Variants in POFUT1 observed in about 807,000 individuals in gnomAD.
POFUT1 encodes the protein protein O-fucosyltransferase 1, also known as GDP-fucose protein O-fucosyltransferase 1.
In POFUT1, 16 loss-of-function variants were observed where a neutral mutation model predicts 42.4. That is an observed-to-expected ratio of 0.38 (90% confidence interval 0.26 to 0.57). The LOEUF (loss-of-function observed/expected upper bound fraction) is 0.57, where lower values mean the gene tolerates loss of function less well. Ranked by LOEUF, POFUT1 falls within the 20% of genes least tolerant of loss-of-function variation. The pLI, the probability that POFUT1 is intolerant of heterozygous loss-of-function variation, is 0.71. For missense variants in POFUT1, 470 were observed against 504.6 expected, an observed-to-expected ratio of 0.93 and a Z score of 0.66; for synonymous variants, 206 against 205.4, an observed-to-expected ratio of 1.00 and a Z score of -0.03.
In POFUT1 at chr20:32,237,877, G is replaced by A. The variant is rs751109062; in HGVS notation, c.*3216G>A. Reference sequence around the variant, plus strand: ...AGACAAAGGCCATTGCATTGAAGGAGGTGGGAAATGATTAGATTCTGAACA... The same window carrying A: ...AGACAAAGGCCATTGCATTGAAGGAAGTGGGAAATGATTAGATTCTGAACA... On this transcript the variant is annotated 3_prime_UTR_variant, in exon 7 of 7. Coordinates refer to ENST00000375749, the MANE Select transcript of POFUT1 (RefSeq NM_015352.2). 17 of 531,318 alleles carry A rather than the reference G, an allele frequency of 3.2e-5. No individual in the cohort carries two copies. Among genetic ancestry groups the A allele is most frequent in the South Asian group, 2.3e-4 (16 of 71,072 alleles). 32.9% of individuals were successfully genotyped at this position (531,318 alleles called of 1,614,324 possible).
rs1480694369 is a variant in POFUT1 at position 32,238,574 on chromosome 20, AC to A, written c.*3914del. ...CCCAGAAGTGAATTTGTTAGATCAA[AC>A]ACTTAAAACTTTTTGTTATGGAAGA... On this transcript the variant is annotated 3_prime_UTR_variant, in exon 7 of 7. Transcript: ENST00000375749. The A allele has an allele frequency of 6.6e-6, 1 of 152,214 alleles. No individual in the cohort carries two copies. The highest frequency in any genetic ancestry group is 1.5e-5 in the Non-Finnish European group (1 of 68,032). 9.4% of individuals were successfully genotyped at this position (152,214 alleles called of 1,614,324 possible).
intron 5 of POFUT1, among the ~76,000 whole-genome samples, chr20:32,229,888 C>G (rs2047433325): frequency 6.6e-6 from 1 of 151,998 alleles, no homozygotes; most frequent in South Asian, 2.1e-4. Flanking sequence ...GGTGGTCCTC[C>G]CACCTCAGCC....
intron 4 of POFUT1, among the ~76,000 whole-genome samples, chr20:32,218,502 C>T (rs1485367986): frequency 2.0e-5 from 3 of 152,214 alleles, no homozygotes; most frequent in African/African-American, 7.2e-5. Flanking sequence ...TGCCAGTTCC[C>T]TTCTGGGACT....
At chr20:32,223,306 C>G in intron 4 of POFUT1, 1 of 985,432 alleles carries the variant, frequency 1.0e-6, no homozygotes, top group South Asian at 4.7e-5. Flanking sequence ...CTCATTCTTT[C>G]CAGACAGCGC....
chr20:32,216,847 T>C, intron 4 of POFUT1, 126 bp downstream of exon 4: 1 of 1,429,192 alleles, frequency 7.0e-7, no homozygotes, highest in Non-Finnish European at 9.6e-7. Context: ...GCAGGTGCTC[T>C]GTCTGTTGAA....
chr20:32,213,214 G>A (rs1018109370), intron 2 of POFUT1, among the ~76,000 whole-genome samples: 4 of 151,988 alleles, frequency 2.6e-5, no homozygotes, highest in East Asian at 1.9e-4. Context: ...AGAAAAATAT[G>A]CCAGGCGCAG....
chr20:32,219,887 A>T (rs1035719484), intron 4 of POFUT1, among the ~76,000 whole-genome samples: 4 of 152,176 alleles, frequency 2.6e-5, no homozygotes, highest in Non-Finnish European at 5.9e-5. Flanking sequence ...CCGTTTTCTT[A>T]TGGAATCCCT....
chr20:32,217,979 C>G (rs1227258399), intron 4 of POFUT1: 1 of 152,962 alleles, frequency 6.5e-6, no homozygotes, highest in African/African-American at 2.4e-5. Flanking sequence ...TATTGACTCA[C>G]TTAATCTTTC....
chr20:32,237,036 A>C lies in POFUT1; in HGVS notation c.*2375A>C, dbSNP rs993692553. The C allele has an allele frequency of 6.6e-6, 1 of 152,188 alleles. No individual in the cohort carries two copies. Among genetic ancestry groups the C allele is most frequent in the Non-Finnish European group, 1.5e-5 (1 of 68,058 alleles). The allele number at this position is 152,188 out of a possible 1,614,324, so 9.4% of individuals were successfully genotyped here. A position where few individuals can be genotyped will look rare whatever the true frequency, so the allele number is the denominator to read the frequency against. On this transcript the variant is annotated 3_prime_UTR_variant, in exon 7 of 7. Transcript: ENST00000375749. The stretch of plus-strand genomic sequence containing the variant: ...ACCCTGTGTGCCATGGAGACCTCCT[A>C]TGGAAAAATGATCAGCCACCTTACC...
intron 4 of POFUT1, among the ~76,000 whole-genome samples, chr20:32,222,080 T>C (rs1158171374): frequency 6.6e-6 from 1 of 152,032 alleles, no homozygotes; most frequent in East Asian, 1.9e-4. Context: ...GGCGGATCAC[T>C]TGAGGTCAGG....
At chr20:32,221,127 G>T (rs148731966) in intron 4 of POFUT1, among the ~76,000 whole-genome samples, 3 of 152,132 alleles carry the variant, frequency 2.0e-5, no homozygotes, top group African/African-American at 7.2e-5. Context: ...CAAAACACGC[G>T]GGTTTATAGG....
intron 5 of POFUT1, among the ~76,000 whole-genome samples, chr20:32,229,703 G>C (rs1453467836): frequency 6.6e-6 from 1 of 152,098 alleles, no homozygotes. Flanking sequence ...AGTAATTTTT[G>C]TTTCAAAATG....
chr20:32,233,942 G>A (rs568145008), intron 6 of POFUT1, among the ~76,000 whole-genome samples: 3 of 152,268 alleles, frequency 2.0e-5, no homozygotes, highest in African/African-American at 7.2e-5. Flanking sequence ...CAGCTATTTG[G>A]GAGGCTGAGG....
intron 1 of POFUT1, among the ~76,000 whole-genome samples, chr20:32,208,872 A>G (rs955972156): frequency 2.0e-5 from 3 of 152,214 alleles, no homozygotes; most frequent in Non-Finnish European, 4.4e-5. Context: ...AACATAAAAC[A>G]ATAAATACAT....
At chr20:32,216,070 A>T (rs1457656523) in intron 3 of POFUT1, among the ~76,000 whole-genome samples, 2 of 152,222 alleles carry the variant, frequency 1.3e-5, no homozygotes. Flanking sequence ...AGAAATTTAT[A>T]CATTTCTGGC....
intron 5 of POFUT1, among the ~76,000 whole-genome samples, chr20:32,228,988 T>C (rs1440219694): frequency 2.0e-5 from 3 of 152,206 alleles, no homozygotes; most frequent in Non-Finnish European, 1.5e-5. Flanking sequence ...ATGTTAGAAA[T>C]GCTCATTGCA....
intron 3 of POFUT1, 53 bp downstream of exon 3, chr20:32,215,504 C>A: frequency 6.9e-7 from 1 of 1,456,732 alleles, no homozygotes; most frequent in Non-Finnish European, 9.4e-7. Context: ...TCCTCTAGGC[C>A]CCCAAGACTA....
chr20:32,228,064 A>C (rs1057356419), intron 4 of POFUT1, among the ~76,000 whole-genome samples, 199 bp from the exon 5 acceptor site: 5 of 152,164 alleles, frequency 3.3e-5, no homozygotes, highest in African/African-American at 1.2e-4. Flanking sequence ...ACAGTATTGC[A>C]TATTGTGCCT....
chr20:32,207,918 G>C lies in POFUT1; in HGVS notation c.-24G>C. On this transcript the variant is annotated 5_prime_UTR_variant, in exon 1 of 7. Transcript: ENST00000375749. ...CTTCCCTCCCCGACTGTGCGCCGCG[G>C]CTGGCTCGGGTTCCCGGGCCGACAT... 1 of 1,570,252 alleles carries C rather than the reference G, an allele frequency of 6.4e-7. No homozygotes were observed.
Sources: gnomAD v4.1 joint callset for allele counts (sites outside exome capture counted in the v4.1 genomes callset) on GRCh38, gnomAD v4.1.1 for gene constraint, MANE v1.5 for transcripts, NCBI Gene and HGNC (gene_info 2026-07-23, HGNC 2026-07-21) for gene names.